KMT2C: variants seen among roughly 807,000 people sequenced by gnomAD.
KMT2C encodes the protein lysine methyltransferase 2C.
KMT2C carries 88 observed loss-of-function variants against 507.9 expected under a neutral mutation model. That is an observed-to-expected ratio of 0.17 (90% CI 0.15 to 0.21). The LOEUF (loss-of-function observed/expected upper bound fraction) is 0.21, where lower values mean the gene tolerates loss of function less well. KMT2C is among the 10% of genes least tolerant of loss of function. The pLI is 1.00. For synonymous variants in KMT2C, 2,049 were observed against 2,080.8 expected (o/e 0.98, Z 0.42); for missense variants, 4,954 against 5,957.8 (o/e 0.83, Z 5.55).
intron 6 of KMT2C, among the ~76,000 whole-genome samples, chr7:152,283,051 A>G (rs576436246): frequency 1.3e-4 from 20 of 152,308 alleles, no homozygotes; most frequent in African/African-American, 4.3e-4. Context: ...TATTAAGATG[A>G]TATTAACTGA....
In KMT2C at chr7:152,162,539, A is replaced by T. The variant is rs761082888; in HGVS notation, c.11038T>A (p.Leu3680Ile). ...NMAAGQLCTE[L>I]ENKLPNSDFS... ...TCACTATTGGGCAGTTTGTTCTCTA[A>T]TTCTGTACATAGCTGGCCTGCTGCC... Residue 3680 changes from leucine (L) to isoleucine (I), a missense_variant, in exon 43 of 59, where the codon TTA (leucine) becomes ATA (isoleucine). This residue lies in a region of KMT2C where 801 missense variants were observed against 751.2 expected (regional missense o/e 1.07). Transcript: ENST00000262189. 6.2e-7 allele frequency: 1 copy of T among 1,614,150 alleles called. No homozygotes were observed. Among genetic ancestry groups the T allele is most frequent in the East Asian group, 2.2e-5 (1 of 44,876 alleles).
chr7:152,276,612 G>T (rs1386099643), intron 6 of KMT2C, among the ~76,000 whole-genome samples: 2 of 152,076 alleles, frequency 1.3e-5, no homozygotes, highest in Admixed American at 6.6e-5. Flanking sequence ...AATTAGGTGG[G>T]CATGGTGGCA....
At chr7:152,175,418 A>G (rs2093158328) in intron 38 of KMT2C, among the ~76,000 whole-genome samples, 1 of 151,930 alleles carries the variant, frequency 6.6e-6, no homozygotes, top group African/African-American at 2.4e-5. Flanking sequence ...TGCTGCACCC[A>G]TCAACCCGTC....
chr7:152,296,067 C>CAAAA lies in KMT2C; in HGVS notation c.849+13895_849+13898dup, dbSNP rs34144566. The stretch of plus-strand genomic sequence containing the variant: ...TGGGCAACAGAACGAGACTCCGTCT[C>CAAAA]AAAAAAAAAAAAAAAAAAAAAAAGA... On this transcript the variant is annotated intron_variant, in intron 6 of 58. Transcript: ENST00000262189. Among the ~76,000 whole-genome samples the CAAAA allele has an allele frequency of 9.5e-4, 43 of 45,370 alleles. 1 individual carries two copies. The highest frequency in any genetic ancestry group is 2.9e-3 in the African/African-American group (34 of 11,706). 29.8% of individuals were successfully genotyped at this position (45,370 alleles called of 152,430 possible). A position where few individuals can be genotyped will look rare whatever the true frequency, so the allele number is the denominator to read the frequency against.
chr7:152,271,977 G>A (rs1304437900), intron 7 of KMT2C, among the ~76,000 whole-genome samples: 3 of 151,992 alleles, frequency 2.0e-5, no homozygotes, highest in South Asian at 4.2e-4. Flanking sequence ...TTGTGGTTAC[G>A]TCTGGAGTTA....
Position 152,182,636 on chromosome 7 carries a change from GGAA to G in KMT2C, c.5266-45_5266-43del. On this transcript the variant is annotated intron_variant, in intron 35 of 58. Transcript: ENST00000262189. ...GAAAAAGCAATCATATTTAGGTTAA[GGAA>G]GAAAACTACCATCATGGGGGGAAAA... 2.7e-6 allele frequency: 4 copies of G among 1,481,122 alleles called. No homozygotes were observed. In the South Asian group the frequency reaches 5.5e-5, roughly 20 times the overall value. 91.7% of individuals were successfully genotyped at this position (1,481,122 alleles called of 1,614,324 possible).
At chr7:152,258,988 AATGTGTGCTTCCAGCTGTG>A (rs2095710233) in intron 9 of KMT2C, among the ~76,000 whole-genome samples, 1 of 152,218 alleles carries the variant, frequency 6.6e-6, no homozygotes, top group African/African-American at 2.4e-5. Context: ...AAAGTGGAAT[AATGTGTGCTTCCAGCTGTG>A]ATACCCTGAG....
chr7:152,254,589 C>A (rs1234973526), intron 9 of KMT2C, among the ~76,000 whole-genome samples: 1 of 151,954 alleles, frequency 6.6e-6, no homozygotes, highest in South Asian at 2.1e-4. Flanking sequence ...CTAATGTGAC[C>A]AACATAAATA....
At chr7:152,169,300 G>T in intron 40 of KMT2C, 51 bp from the exon 41 acceptor site, 1 of 994,606 alleles carries the variant, frequency 1.0e-6, no homozygotes, top group Non-Finnish European at 1.6e-6. Context: ...TCAGTTAAAG[G>T]GGGGAAAAAA....
intron 14 of KMT2C, among the ~76,000 whole-genome samples, chr7:152,243,629 T>G (rs1422251758): frequency 6.6e-6 from 1 of 151,704 alleles, no homozygotes; most frequent in Non-Finnish European, 1.5e-5. Context: ...TAAAAATATT[T>G]AAAAAATTAG....
rs543821981 is a variant in KMT2C at position 152,189,884 on chromosome 7, C to G, written c.4661-2037G>C. Among the ~76,000 whole-genome samples, 4 of 152,294 alleles carry G rather than the reference C, an allele frequency of 2.6e-5. No individual in the cohort carries two copies. The East Asian group carries it at 7.7e-4, about 29-fold the overall frequency. On this transcript the variant is annotated intron_variant, in intron 31 of 58. Transcript: ENST00000262189. The stretch of plus-strand genomic sequence containing the variant: ...AAGCAGGTTCCATTAAGGCAGGGGT[C>G]CCCAACTCTGGGGCCACAGACTGGT...
At chr7:152,231,509 G>A (rs77673302) in intron 16 of KMT2C, among the ~76,000 whole-genome samples, 1,455 of 103,284 alleles carry the variant, frequency 0.014, no homozygotes, top group Admixed American at 0.016. Flanking sequence ...AGCTGGGTGT[G>A]GTGGCTCATG....
chr7:152,139,484 T>C (rs1193974383), intron 56 of KMT2C, among the ~76,000 whole-genome samples, 191 bp downstream of exon 56: 1 of 152,210 alleles, frequency 6.6e-6, no homozygotes, highest in Non-Finnish European at 1.5e-5. Context: ...CAGTTGTCTA[T>C]CAAAGTAAAC....
chr7:152,221,482 A>G (rs944578190), intron 22 of KMT2C, among the ~76,000 whole-genome samples: 73 of 152,292 alleles, frequency 4.8e-4, no homozygotes, highest in African/African-American at 1.7e-3. Flanking sequence ...ATAAGTACAA[A>G]TCCTGCAGAT....
chr7:152,155,675 ACTGT>A (rs749640999), intron 46 of KMT2C, among the ~76,000 whole-genome samples: 11 of 152,176 alleles, frequency 7.2e-5, no homozygotes, highest in Admixed American at 2.0e-4. Context: ...CTAATACTTA[ACTGT>A]CTATTAGATT....
chr7:152,435,499 G>T, intron 1 of KMT2C, 127 bp downstream of exon 1: 1 of 281,814 alleles, frequency 3.5e-6, no homozygotes, highest in East Asian at 1.8e-4. Context: ...CACCGCCCGC[G>T]GGCCCGCCCC....
chr7:152,272,501 C>T (rs953363701), intron 7 of KMT2C, among the ~76,000 whole-genome samples: 3 of 152,168 alleles, frequency 2.0e-5, no homozygotes, highest in African/African-American at 7.2e-5. Context: ...ATAATCCACT[C>T]TGATAACTGC....
intron 16 of KMT2C, among the ~76,000 whole-genome samples, chr7:152,231,187 T>C: frequency 6.6e-6 from 1 of 152,236 alleles, no homozygotes; most frequent in Non-Finnish European, 1.5e-5. Flanking sequence ...AAAATTTCAG[T>C]ATTAGCCATA....
chr7:152,187,937 A>G (rs2093674252), intron 31 of KMT2C, 90 bp from the exon 32 acceptor site: 1 of 1,210,900 alleles, frequency 8.3e-7, no homozygotes, highest in East Asian at 2.4e-5. Flanking sequence ...ATGGTTTTTA[A>G]CTGCATGGGT....
Sources: gnomAD v4.1 joint callset for allele counts (sites outside exome capture counted in the v4.1 genomes callset) on GRCh38, gnomAD v4.1.1 for gene constraint, gnomAD v4.1.1 regional missense constraint, MANE v1.5 for transcripts, NCBI Gene and HGNC (gene_info 2026-07-23, HGNC 2026-07-21) for gene names.